MTMR12: variants seen among roughly 807,000 people sequenced by gnomAD.
The protein encoded by MTMR12 is myotubularin-related protein 12.
Under a neutral mutation model 96.7 loss-of-function variants are expected in MTMR12, and 33 were observed. That is an observed-to-expected ratio of 0.34 (90% CI 0.26 to 0.46). The LOEUF (loss-of-function observed/expected upper bound fraction) is 0.46. MTMR12 is among the 20% of genes least tolerant of loss of function. The probability of loss-of-function intolerance (pLI) is 1.00; values close to 1 mark genes in which losing one functional copy is unlikely to be tolerated. For missense variants in MTMR12, 721 were observed against 896.1 expected (o/e 0.80, Z 2.49); for synonymous variants, 298 against 327.2 (o/e 0.91, Z 0.96).
chr5:32,278,732 TAAGC>T (rs1750158479), intron 1 of MTMR12, among the ~76,000 whole-genome samples: 1 of 152,140 alleles, frequency 6.6e-6, no homozygotes, highest in Admixed American at 6.5e-5. Flanking sequence ...GTCTGGGGCT[TAAGC>T]AAGAGGAACT....
intron 1 of MTMR12, among the ~76,000 whole-genome samples, chr5:32,278,477 C>G (rs1229624131): frequency 6.6e-6 from 1 of 151,988 alleles, no homozygotes; most frequent in East Asian, 1.9e-4. Context: ...TTGGGTACAG[C>G]CTATCTTGAG....
intron 1 of MTMR12, among the ~76,000 whole-genome samples, chr5:32,285,275 T>C (rs930991634): frequency 4.6e-5 from 7 of 151,866 alleles, no homozygotes; most frequent in African/African-American, 1.7e-4. Flanking sequence ...GGAGAATTCC[T>C]TGAACCTGGG....
At chr5:32,239,865 T>C (rs1183150686) in intron 12 of MTMR12, among the ~76,000 whole-genome samples, 1 of 152,220 alleles carries the variant, frequency 6.6e-6, no homozygotes, top group Admixed American at 6.5e-5. Context: ...CCACCTGCCA[T>C]GCACTTTCCA....
chr5:32,286,528 A>T (rs1035953753), intron 1 of MTMR12, among the ~76,000 whole-genome samples: 1 of 152,088 alleles, frequency 6.6e-6, no homozygotes. Context: ...TCAAAAAAAA[A>T]AAAGGATTGA....
chr5:32,297,651 G>A (rs1484520810), intron 1 of MTMR12, among the ~76,000 whole-genome samples: 1 of 151,410 alleles, frequency 6.6e-6, no homozygotes, highest in African/African-American at 2.4e-5. Context: ...GAAGTGCAGT[G>A]AAAGCATTAC....
At chr5:32,245,705 G>A (rs191301036) in intron 10 of MTMR12, among the ~76,000 whole-genome samples, 2 of 152,160 alleles carry the variant, frequency 1.3e-5, no homozygotes, top group South Asian at 2.1e-4. Context: ...GTGCACACCT[G>A]TAATTCCAGC....
intron 2 of MTMR12, 107 bp downstream of exon 2, chr5:32,276,575 G>A (rs978291294): frequency 1.1e-6 from 1 of 912,964 alleles, no homozygotes; most frequent in Non-Finnish European, 1.7e-6. Context: ...ACTGTTATAT[G>A]TGAGAAGATG....
chr5:32,241,923 A>T, intron 12 of MTMR12, 134 bp downstream of exon 12: 1 of 688,378 alleles, frequency 1.5e-6, no homozygotes, highest in Non-Finnish European at 2.3e-6. Flanking sequence ...TTCCAAGGTT[A>T]GGGAGAAAGG....
chr5:32,233,730 G>T lies in MTMR12; in HGVS notation c.1674+43C>A. ...GTACCTTTTATCATTACATGCACGG[G>T]GTCTGGGCAGCTGAAGGGGGTTTAG... On this transcript the variant is annotated intron_variant, in intron 15 of 15. Transcript: ENST00000382142. The surrounding 1 kb of genome is among the most constrained non-coding windows in gnomAD (Gnocchi z 5.0). 6.2e-7 allele frequency: 1 copy of T among 1,613,144 alleles called. No homozygotes were observed. Among genetic ancestry groups the T allele is most frequent in the African/African-American group, 1.3e-5 (1 of 75,012 alleles).
intron 1 of MTMR12, among the ~76,000 whole-genome samples, chr5:32,298,730 T>C (rs1353026803): frequency 6.6e-6 from 1 of 151,146 alleles, no homozygotes; most frequent in Non-Finnish European, 1.5e-5. Context: ...GGGCGGATCA[T>C]GAGGTCAGGA....
intron 1 of MTMR12, among the ~76,000 whole-genome samples, chr5:32,295,747 G>A (rs953348251): frequency 2.0e-5 from 3 of 152,124 alleles, no homozygotes; most frequent in African/African-American, 7.2e-5. Flanking sequence ...GAAGCACTAA[G>A]GGTTTAAATA....
intron 1 of MTMR12, among the ~76,000 whole-genome samples, chr5:32,309,237 T>C (rs190741917): frequency 6.6e-6 from 1 of 152,342 alleles, no homozygotes; most frequent in East Asian, 1.9e-4. Context: ...CAGAAGACTT[T>C]CCACTTGTAG....
At chr5:32,273,588 CAT>C (rs994695594) in intron 3 of MTMR12, among the ~76,000 whole-genome samples, 17 of 152,262 alleles carry the variant, frequency 1.1e-4, no homozygotes, top group African/African-American at 1.9e-4. Flanking sequence ...AAAGTTGACA[CAT>C]GAGGTCAAAA....
intron 1 of MTMR12, among the ~76,000 whole-genome samples, chr5:32,290,002 T>C (rs963852770): frequency 6.6e-6 from 1 of 152,212 alleles, no homozygotes; most frequent in African/African-American, 2.4e-5. Flanking sequence ...AGAATGACAG[T>C]GGATTCTCAT....
chr5:32,249,658 C>T lies in MTMR12; in HGVS notation c.790-780G>A, dbSNP rs116866623. Among the ~76,000 whole-genome samples the T allele has an allele frequency of 8.3e-4, 127 of 152,306 alleles. 1 individual carries two copies. In the East Asian group the frequency reaches 0.021, roughly 25 times the overall value. ...ACAAGGCAAGGAGAAAGAAGTCACA[C>T]GAGTGACCAACAGTGGCAGGTGAGG... On this transcript the variant is annotated intron_variant, in intron 8 of 15. Coordinates refer to ENST00000382142, the MANE Select transcript of MTMR12 (RefSeq NM_001040446.3).
chr5:32,277,648 G>A (rs1750108673), intron 1 of MTMR12, among the ~76,000 whole-genome samples: 1 of 151,742 alleles, frequency 6.6e-6, no homozygotes, highest in Admixed American at 6.6e-5. Flanking sequence ...GCAGTGAGCC[G>A]AGATTATGCC....
Position 32,248,686 on chromosome 5 carries a change from C to T in MTMR12, c.896+86G>A, listed in dbSNP as rs1748792041. On this transcript the variant is annotated intron_variant, in intron 9 of 15. Coordinates refer to ENST00000382142, the MANE Select transcript of MTMR12 (RefSeq NM_001040446.3). The stretch of plus-strand genomic sequence containing the variant: ...TAGCATTAAGCTACCAGTAGGTAAA[C>T]AGAAATAGACATACTACTAAGAGCT... 4.0e-6 allele frequency: 4 copies of T among 1,005,946 alleles called. No homozygotes were observed. In the East Asian group the frequency reaches 9.6e-5, roughly 24 times the overall value. 62.3% of individuals were successfully genotyped at this position (1,005,946 alleles called of 1,614,324 possible).
chr5:32,291,018 G>GT lies in MTMR12; in HGVS notation c.82-14277dup, dbSNP rs575565935. ...AACATTCCATCATCAAATGGAAGTG[G>GT]TATACACATGACTGGGCTCGAGCAG... On this transcript the variant is annotated intron_variant, in intron 1 of 15. Transcript: ENST00000382142. 5.2e-3 allele frequency among the ~76,000 whole-genome samples: 786 copies of GT among 152,306 alleles called. 9 individuals are homozygous for GT. Among genetic ancestry groups the GT allele is most frequent in the African/African-American group, 0.017 (719 of 41,568 alleles).
chr5:32,263,077 G>C, intron 7 of MTMR12, 36 bp downstream of exon 7: 1 of 1,610,662 alleles, frequency 6.2e-7, no homozygotes. Context: ...TTTAATGGGT[G>C]AATTGTACAG....
Sources: gnomAD v4.1 joint callset for allele counts (sites outside exome capture counted in the v4.1 genomes callset) on GRCh38, gnomAD v4.1.1 for gene constraint, Gnocchi (gnomAD v3.1) non-coding constraint, MANE v1.5 for transcripts, NCBI Gene and HGNC (gene_info 2026-07-23, HGNC 2026-07-21) for gene names.